Variants in SLC29A4 observed in about 807,000 individuals in gnomAD.
SLC29A4 encodes the protein equilibrative nucleoside transporter 4.
SLC29A4 carries 36 observed loss-of-function variants against 43.9 expected under a neutral mutation model. The observed-to-expected ratio is 0.82, with a 90% confidence interval of 0.63 to 1.08. The LOEUF (loss-of-function observed/expected upper bound fraction) is 1.08. Among genes scored for constraint, SLC29A4 ranks in the 50% least tolerant of loss-of-function variants. The pLI is 0.00. For missense variants in SLC29A4, 869 were observed against 755.3 expected, an observed-to-expected ratio of 1.15 and a Z score of -1.77; for synonymous variants, 491 against 338.0, an observed-to-expected ratio of 1.45 and a Z score of -4.97.
intron 1 of SLC29A4, among the ~76,000 whole-genome samples, chr7:5,283,293 C>A (rs1226701579): frequency 5.3e-5 from 8 of 151,802 alleles, no homozygotes; most frequent in Non-Finnish European, 7.4e-5. Flanking sequence ...GGACCCGGAC[C>A]CCTGGGCCCT....
intron 1 of SLC29A4, among the ~76,000 whole-genome samples, chr7:5,283,539 G>T (rs1054392147): frequency 6.6e-6 from 1 of 152,262 alleles, no homozygotes; most frequent in East Asian, 1.9e-4. Flanking sequence ...AGCCAACTTT[G>T]CGGCTGATGA....
chr7:5,284,058 C>T (rs1426597168), intron 1 of SLC29A4, among the ~76,000 whole-genome samples: 8 of 135,308 alleles, frequency 5.9e-5, no homozygotes, highest in Non-Finnish European at 1.1e-4. Context: ...CCGACTTGGC[C>T]TCTCTGTGCC....
rs1182681957 is a variant in SLC29A4, at chr7:5,306,480, C to T, written c.*3541C>T. ...AAAGTGCTGGGATTACAGGCACGCT[C>T]TACCACACCTGGCTAATTTTTTTTT... On this transcript the variant is annotated 3_prime_UTR_variant, in exon 11 of 11. Coordinates refer to ENST00000396872, the MANE Select transcript of SLC29A4 (RefSeq NM_153247.4). 1 of 152,128 alleles carries T rather than the reference C, an allele frequency of 6.6e-6. No homozygotes were observed. Among genetic ancestry groups the T allele is most frequent in the Admixed American group, 6.6e-5 (1 of 15,262 alleles). The allele number at this position is 152,128 out of a possible 1,614,324, so 9.4% of individuals were successfully genotyped here.
At chr7:5,299,832 A>G (rs1245896322) in intron 9 of SLC29A4, among the ~76,000 whole-genome samples, 2 of 152,334 alleles carry the variant, frequency 1.3e-5, no homozygotes, top group Non-Finnish European at 2.9e-5. Flanking sequence ...TGGGTAGATC[A>G]CTTGAGGCCA....
intron 1 of SLC29A4, among the ~76,000 whole-genome samples, chr7:5,285,007 T>C (rs1784863335): frequency 6.6e-6 from 1 of 152,146 alleles, no homozygotes; most frequent in Non-Finnish European, 1.5e-5. Context: ...TGGGCTGGCA[T>C]CCTGAGCAGG....
In SLC29A4 at chr7:5,290,680, C is replaced by T. The variant is rs942973955; in HGVS notation, c.170-52C>T. 117 of 1,570,158 alleles carry T rather than the reference C, an allele frequency of 7.5e-5. No individual in the cohort carries two copies. The Middle Eastern group carries it at 1.4e-3, about 18-fold the overall frequency. ...TGGTGGACATCGCCCTGTGCGGTGA[C>T]TGTAGCCATGCGTGGAGCGTGCCCC... On this transcript the variant is annotated intron_variant, in intron 2 of 10. Coordinates refer to ENST00000396872, the MANE Select transcript of SLC29A4 (RefSeq NM_153247.4).
At position 5,302,783 on chromosome 7, in the gene SLC29A4, G is replaced by A. The variant is rs1786259595; in HGVS notation, c.1451-14G>A. ...GCCCTGGCCCTGCTCCCCTCAGGCT[G>A]GTGTTGTCCACAGGGAACACCATGA... On this transcript the variant is annotated splice_polypyrimidine_tract_variant and intron_variant, in intron 10 of 10. Coordinates refer to ENST00000396872, the MANE Select transcript of SLC29A4 (RefSeq NM_153247.4). 1 of 1,549,522 alleles carries A rather than the reference G, an allele frequency of 6.5e-7. No individual in the cohort carries two copies. Among genetic ancestry groups the A allele is most frequent in the Non-Finnish European group, 8.7e-7 (1 of 1,146,070 alleles).
rs1483091671 is a variant in SLC29A4 at position 5,303,869 on chromosome 7, G to C, written c.*930G>C. On this transcript the variant is annotated 3_prime_UTR_variant, in exon 11 of 11. Coordinates refer to ENST00000396872, the MANE Select transcript of SLC29A4 (RefSeq NM_153247.4). ...CTCCCAGAACACCAGGCCCGTGTGG[G>C]TGGCACCCTGAGGTCAGGGGATCCT... is the stretch of plus-strand genomic sequence containing the variant. The C allele has an allele frequency of 6.6e-6, 1 of 152,216 alleles. No homozygotes were observed. The highest frequency in any genetic ancestry group is 1.5e-5 in the Non-Finnish European group (1 of 68,066). The allele number at this position is 152,216 out of a possible 1,614,324, so 9.4% of individuals were successfully genotyped here.
chr7:5,299,337 C>G lies in SLC29A4; in HGVS notation c.1119C>G (p.Gly373=). The change falls in exon 9 of 11, where the codon GGC becomes GGG. Residue 373 remains glycine (G), a synonymous_variant. Transcript: ENST00000396872. ...TYFITLCLFP[G]LESEIRHCIL... is the part of the protein sequence containing the mutation. The stretch of plus-strand genomic sequence containing the variant: ...TCATCACGCTGTGCCTGTTCCCCGG[C>G]CTCGAGTCTGAGATCCGCCACTGCA... 6.2e-7 allele frequency: 1 copy of G among 1,612,084 alleles called. No homozygotes were observed. The highest frequency in any genetic ancestry group is 1.7e-5 in the Admixed American group (1 of 60,008).
chr7:5,289,806 G>A (rs369224727), intron 2 of SLC29A4, among the ~76,000 whole-genome samples: 1 of 152,036 alleles, frequency 6.6e-6, no homozygotes, highest in Non-Finnish European at 1.5e-5. Flanking sequence ...ACAAGAACCC[G>A]GTACAACCCC....
chr7:5,291,050 G>A (rs975639916), intron 3 of SLC29A4, 74 bp from the exon 4 acceptor site: 1 of 1,571,882 alleles, frequency 6.4e-7, no homozygotes, highest in African/African-American at 1.3e-5. Flanking sequence ...CCCCTTCTGG[G>A]AGGTCTCACC....
intron 1 of SLC29A4, among the ~76,000 whole-genome samples, chr7:5,283,927 C>A (rs1463066939): frequency 6.6e-6 from 1 of 152,092 alleles, no homozygotes; most frequent in Admixed American, 6.5e-5. Context: ...GGGGTCCCGA[C>A]GCCCAGCGCT....
In SLC29A4 at chr7:5,303,148, G is replaced by A. The variant is rs1027628820; in HGVS notation, c.*209G>A. ...GGACCGGAACACGTTTCTGCGACCC[G>A]GGGCTCTGGCCAGCACTGTGTTCTG... On this transcript the variant is annotated 3_prime_UTR_variant, in exon 11 of 11. Coordinates refer to ENST00000396872, the MANE Select transcript of SLC29A4 (RefSeq NM_153247.4). 1.4e-4 allele frequency: 86 copies of A among 628,520 alleles called. No individual in the cohort carries two copies. Among genetic ancestry groups the A allele is most frequent in the South Asian group, 2.6e-4 (13 of 50,488 alleles). The allele number at this position is 628,520 out of a possible 1,614,324, so 38.9% of individuals were successfully genotyped here. A position where few individuals can be genotyped will look rare whatever the true frequency, so the allele number is the denominator to read the frequency against.
chr7:5,290,796 C>T lies in SLC29A4; in HGVS notation c.234C>T (p.Gly78=), dbSNP rs1288827167. Residue 78 remains glycine (G), a synonymous_variant, in exon 3 of 11, where the codon GGC becomes GGT. Coordinates refer to ENST00000396872, the MANE Select transcript of SLC29A4 (RefSeq NM_153247.4). ...HAIYFAMLLA[G]VGFLLPYNSF... is the part of the protein sequence containing the mutation. ...TCTACTTTGCGATGCTGCTGGCTGG[C>T]GTGGGCTTCCTGCTGCCATACAACA... is the stretch of plus-strand genomic sequence containing the variant. The T allele has an allele frequency of 6.2e-6, 10 of 1,614,046 alleles. No homozygotes were observed. Among genetic ancestry groups the T allele is most frequent in the African/African-American group, 4.0e-5 (3 of 75,052 alleles).
Position 5,297,143 on chromosome 7 carries a change from G to T in SLC29A4, c.827G>T (p.Gly276Val). ...AGCCACCGGGGCAGGCCAGGCCTGG[G>T]CAGGGGCTATGGCTACCGCGTGCAC... ...RDSHRGRPGLGRGYGYRVHHD... is the reference protein window; with the variant it reads ...RDSHRGRPGLVRGYGYRVHHD... Residue 276 changes from glycine to valine, a missense_variant, in exon 7 of 11, where the codon GGC (glycine) becomes GTC (valine). Gly to Val is a moderately radical substitution (Grantham distance 109). Transcript: ENST00000396872. 1 of 1,604,376 alleles carries T rather than the reference G, an allele frequency of 6.2e-7. No homozygotes were observed.
intron 6 of SLC29A4, among the ~76,000 whole-genome samples, chr7:5,296,462 C>T (rs1379364482): frequency 1.7e-5 from 2 of 118,160 alleles, no homozygotes; most frequent in Non-Finnish European, 3.5e-5. Context: ...TGGGGGCACC[C>T]GGAGTTGGGG....
chr7:5,298,909 T>G, intron 7 of SLC29A4, 79 bp from the exon 8 acceptor site: 1 of 1,515,118 alleles, frequency 6.6e-7, no homozygotes, highest in Non-Finnish European at 8.9e-7. Context: ...GCGGCTCTTC[T>G]GATTGGGCCT....
Position 5,297,161 on chromosome 7 carries a change from G to A in SLC29A4, c.845G>A (p.Arg282His). 1.3e-6 allele frequency: 2 copies of A among 1,598,196 alleles called. No individual in the cohort carries two copies. Among genetic ancestry groups the A allele is most frequent in the Non-Finnish European group, 1.7e-6 (2 of 1,176,724 alleles). ...RPGLGRGYGY[R>H]VHHDVVAGDV... is the part of the protein sequence containing the mutation. ...GGCCTGGGCAGGGGCTATGGCTACCGCGTGCACCACGACGTTGTCGCCGGG... is the reference window on the plus strand; with the variant it reads ...GGCCTGGGCAGGGGCTATGGCTACCACGTGCACCACGACGTTGTCGCCGGG... The change falls in exon 7 of 11, where the codon CGC (arginine) becomes CAC (histidine). Residue 282 changes from arginine (R) to histidine (H), a missense_variant. Transcript: ENST00000396872.
At position 5,306,191 on chromosome 7, in the gene SLC29A4, C is replaced by CTTTT. The variant is rs748971391; in HGVS notation, c.*3274_*3277dup. On this transcript the variant is annotated 3_prime_UTR_variant, in exon 11 of 11. Coordinates refer to ENST00000396872, the MANE Select transcript of SLC29A4 (RefSeq NM_153247.4). Reference sequence around the variant, plus strand: ...TTTCTCATGTAAATTTGTTCAATTTCTTTTTTTTTTTTTTTTTTTTTTTTT... The same window carrying CTTTT: ...TTTCTCATGTAAATTTGTTCAATTTCTTTTTTTTTTTTTTTTTTTTTTTTTTTTT... The CTTTT allele has an allele frequency of 2.7e-4, 19 of 71,096 alleles. No homozygotes were observed. Among genetic ancestry groups the CTTTT allele is most frequent in the Admixed American group, 5.6e-4 (3 of 5,342 alleles). The allele number at this position is 71,096 out of a possible 1,614,324, so 4.4% of individuals were successfully genotyped here. A position where few individuals can be genotyped will look rare whatever the true frequency, so the allele number is the denominator to read the frequency against.
Sources: allele counts gnomAD v4.1 joint callset (sites outside exome capture counted in the v4.1 genomes callset), GRCh38; gene constraint gnomAD v4.1.1; transcripts MANE v1.5; gene names NCBI Gene and HGNC (gene_info 2026-07-23, HGNC 2026-07-21).